The following NTMT1 variants were observed in gnomAD, a reference collection of about 807,000 sequenced individuals.
NTMT1 encodes N-terminal Xaa-Pro-Lys N-methyltransferase 1.
In NTMT1, 8 loss-of-function variants were observed where a neutral mutation model predicts 17.5. That is an observed-to-expected ratio of 0.46 (90% CI 0.27 to 0.82). The LOEUF is 0.82. Ranked by LOEUF, NTMT1 falls within the 40% of genes least tolerant of loss-of-function variation. The pLI is 0.15. For missense variants in NTMT1, 221 were observed against 303.5 expected, an observed-to-expected ratio of 0.73 and a Z score of 2.02; for synonymous variants, 128 against 126.8, an observed-to-expected ratio of 1.01 and a Z score of -0.06.
At chr9:129,611,359 C>G (rs1018548366) in intron 1 of NTMT1, among the ~76,000 whole-genome samples, 1 of 152,208 alleles carries the variant, frequency 6.6e-6, no homozygotes. Context: ...GCAGGTGTGG[C>G]AGGGGCAAAC....
rs968483883 is a variant in NTMT1, at chr9:129,613,981, T to C, written c.-55+4803T>C. On this transcript the variant is annotated intron_variant, in intron 1 of 3. Transcript: ENST00000372486. This position sits in a 1 kb window ranked among gnomAD's most constrained non-coding sequence, Gnocchi z 6.2. Reference sequence around the variant, plus strand: ...GTCCAACAGCAGCCATGCGAGGTGGTCCAAGGACCCTGAGTTCCCCAATGG... The same window carrying C: ...GTCCAACAGCAGCCATGCGAGGTGGCCCAAGGACCCTGAGTTCCCCAATGG... 3.3e-5 allele frequency among the ~76,000 whole-genome samples: 5 copies of C among 151,988 alleles called. No individual in the cohort carries two copies. The highest frequency in any genetic ancestry group is 1.2e-4 in the African/African-American group (5 of 41,370).
chr9:129,628,148 C>G (rs929523937), intron 1 of NTMT1, among the ~76,000 whole-genome samples: 1 of 152,242 alleles, frequency 6.6e-6, no homozygotes, highest in African/African-American at 2.4e-5. Context: ...CATCTGTGCT[C>G]TGGAGCAGAG....
intron 3 of NTMT1, 72 bp downstream of exon 3, chr9:129,634,378 G>T: frequency 6.6e-7 from 1 of 1,517,256 alleles, no homozygotes; most frequent in South Asian, 1.3e-5. Flanking sequence ...AAGGTGTCAG[G>T]ACCAGGGCTT....
rs144768670 is a variant in NTMT1, at chr9:129,612,222, G to A, written c.-55+3044G>A. On this transcript the variant is annotated intron_variant, in intron 1 of 3. Coordinates refer to the NTMT1 transcript ENST00000372486. ...AGACCAGCAACCAGGTACCCAGAAA[G>A]GCTTGTGGTGTGACACCTACTGGCA... is the stretch of plus-strand genomic sequence containing the variant. 2.3e-3 allele frequency: 1,699 copies of A among 736,796 alleles called. 5 individuals are homozygous for A. Among genetic ancestry groups the A allele is most frequent in the Middle Eastern group, 9.6e-3 (39 of 4,056 alleles). 45.6% of individuals were successfully genotyped at this position (736,796 alleles called of 1,614,324 possible).
chr9:129,619,566 G>T, intron 1 of NTMT1: 1 of 1,614,128 alleles, frequency 6.2e-7, no homozygotes, highest in South Asian at 1.1e-5. Flanking sequence ...TCACCCTTCA[G>T]GGGCCCCAGA....
rs1264614922 is a variant in NTMT1, at chr9:129,613,362, G to A, written c.-55+4184G>A. On this transcript the variant is annotated intron_variant, in intron 1 of 3. Transcript: ENST00000372486. The surrounding 1 kb of genome is among the most constrained non-coding windows in gnomAD (Gnocchi z 6.2). ...GGCAACCCGCCTGCTGCTGGGTGGG[G>A]AGGTCTGTAGGCAAGGGGGGTGGAG... 8 of 1,583,030 alleles carry A rather than the reference G, an allele frequency of 5.1e-6. No homozygotes were observed. The highest frequency in any genetic ancestry group is 1.3e-5 in the African/African-American group (1 of 74,186).
rs1830648254 is a variant in NTMT1 at position 129,620,560 on chromosome 9, T to C, written c.-55+11382T>C. 1 of 1,378,770 alleles carries C rather than the reference T, an allele frequency of 7.3e-7. No homozygotes were observed. Among genetic ancestry groups the C allele is most frequent in the South Asian group, 1.7e-5 (1 of 58,682 alleles). The allele number at this position is 1,378,770 out of a possible 1,614,324, so 85.4% of individuals were successfully genotyped here. A position where few individuals can be genotyped will look rare whatever the true frequency, so the allele number is the denominator to read the frequency against. On this transcript the variant is annotated intron_variant, in intron 1 of 3. Transcript: ENST00000372486. This position sits in a 1 kb window ranked among gnomAD's most constrained non-coding sequence, Gnocchi z 5.8. Reference sequence around the variant, plus strand: ...CCAGGTCCTGGGCCCCTGGGCGAAGTCGACGCCAGAACATGCTTGGCCCCG... The same window carrying C: ...CCAGGTCCTGGGCCCCTGGGCGAAGCCGACGCCAGAACATGCTTGGCCCCG...
At position 129,610,078 on chromosome 9, in the gene NTMT1, A is replaced by G. The variant is rs1178255775; in HGVS notation, c.-55+900A>G. ...GGGTGTGAGTGCCGAAAGCGGCGGGACTGAGGCTTCCGTCCTCCATCTGTG... is the reference window on the plus strand; with the variant it reads ...GGGTGTGAGTGCCGAAAGCGGCGGGGCTGAGGCTTCCGTCCTCCATCTGTG... On this transcript the variant is annotated intron_variant, in intron 1 of 3. Transcript: ENST00000372486. Among the ~76,000 whole-genome samples, 9 of 140,952 alleles carry G rather than the reference A, an allele frequency of 6.4e-5. No homozygotes were observed. In the East Asian group the frequency reaches 1.9e-3, roughly 30 times the overall value. 92.5% of individuals were successfully genotyped at this position (140,952 alleles called of 152,430 possible).
chr9:129,617,530 G>GAA (rs1173804841), intron 1 of NTMT1, among the ~76,000 whole-genome samples: 3 of 152,242 alleles, frequency 2.0e-5, no homozygotes, highest in African/African-American at 7.2e-5. Flanking sequence ...TCTTGAATGT[G>GAA]AAAGTCTGTA....
Position 129,613,826 on chromosome 9 carries a change from G to A in NTMT1, c.-55+4648G>A, listed in dbSNP as rs761172319. ...TGTGCCCCTGCGCACCCCCACTCAC[G>A]CTGCAGCCGGAAGCGTGCCCCCTTT... On this transcript the variant is annotated intron_variant, in intron 1 of 3. Coordinates refer to the NTMT1 transcript ENST00000372486. This position sits in a 1 kb window ranked among gnomAD's most constrained non-coding sequence, Gnocchi z 6.2. 9.2e-5 allele frequency among the ~76,000 whole-genome samples: 14 copies of A among 152,188 alleles called. No homozygotes were observed. Among genetic ancestry groups the A allele is most frequent in the Admixed American group, 2.6e-4 (4 of 15,284 alleles).
At chr9:129,615,403 T>A in intron 1 of NTMT1, 1 of 1,424,696 alleles carries the variant, frequency 7.0e-7, no homozygotes, top group Non-Finnish European at 9.3e-7. Flanking sequence ...TCCCTCACTC[T>A]AGGGGCCCGG....
chr9:129,629,296 G>A (rs1304015756), intron 1 of NTMT1, among the ~76,000 whole-genome samples: 1 of 152,202 alleles, frequency 6.6e-6, no homozygotes, highest in Non-Finnish European at 1.5e-5. Context: ...CAGCTACATG[G>A]TGACATTCAG....
chr9:129,613,746 G>A lies in NTMT1; in HGVS notation c.-55+4568G>A, dbSNP rs964756778. On this transcript the variant is annotated intron_variant, in intron 1 of 3. Coordinates refer to the NTMT1 transcript ENST00000372486. This position sits in a 1 kb window ranked among gnomAD's most constrained non-coding sequence, Gnocchi z 6.2. ...CCCCAGCGCCTTCTGGCTGCCTCCA[G>A]AGAAGCCTTGGGTTTTAAAACCACC... The A allele has an allele frequency of 1.7e-5, 17 of 985,622 alleles. No homozygotes were observed. In the African/African-American group the frequency reaches 2.3e-4, roughly 13 times the overall value. 61.1% of individuals were successfully genotyped at this position (985,622 alleles called of 1,614,324 possible).
intron 1 of NTMT1, among the ~76,000 whole-genome samples, chr9:129,627,348 C>G (rs932994099): frequency 3.9e-5 from 6 of 152,064 alleles, no homozygotes; most frequent in Non-Finnish European, 5.9e-5. Flanking sequence ...GTAACAGTCC[C>G]CTAGGTGTGT....
chr9:129,624,099 A>G (rs1160866918), upstream of NTMT1, among the ~76,000 whole-genome samples: 2 of 151,936 alleles, frequency 1.3e-5, no homozygotes, highest in South Asian at 2.1e-4. Context: ...TGGCCTAACT[A>G]GATGGTTTCT....
upstream of NTMT1, among the ~76,000 whole-genome samples, chr9:129,623,223 C>G (rs1277447901): frequency 6.6e-6 from 1 of 151,546 alleles, no homozygotes; most frequent in African/African-American, 2.4e-5. Flanking sequence ...ATCCCAGCTA[C>G]GCGGGAGGCT....
intron 1 of NTMT1, chr9:129,615,710 A>G: frequency 6.9e-7 from 1 of 1,455,686 alleles, no homozygotes; most frequent in Non-Finnish European, 9.0e-7. Context: ...CACACGCACC[A>G]GCCCCAGACT....
intron 1 of NTMT1, chr9:129,615,409 C>A (rs752795348): frequency 5.3e-5 from 77 of 1,442,516 alleles, no homozygotes; most frequent in Non-Finnish European, 6.7e-5. Flanking sequence ...ACTCTAGGGG[C>A]CCGGAGCTAC....
At chr9:129,611,167 C>T (rs1205820955) in intron 1 of NTMT1, among the ~76,000 whole-genome samples, 1 of 152,240 alleles carries the variant, frequency 6.6e-6, no homozygotes, top group Non-Finnish European at 1.5e-5. Context: ...GCCAGTCCCA[C>T]CGTTTGCAGC....
Sources: gnomAD v4.1 joint callset for allele counts (sites outside exome capture counted in the v4.1 genomes callset) on GRCh38, gnomAD v4.1.1 for gene constraint, Gnocchi (gnomAD v3.1) non-coding constraint, MANE v1.5 for transcripts, NCBI Gene and HGNC (gene_info 2026-07-23, HGNC 2026-07-21) for gene names.